The following PCCB variants were observed in gnomAD, a reference collection of about 807,000 sequenced individuals.
PCCB encodes propionyl-CoA carboxylase beta chain, mitochondrial.
Under a neutral mutation model 60.7 loss-of-function variants are expected in PCCB, and 43 were observed. That is an observed-to-expected ratio of 0.71 (90% CI 0.55 to 0.91). PCCB has a LOEUF of 0.91. PCCB is among the 40% of genes least tolerant of loss of function. The pLI is 0.00. For missense variants in PCCB, 766 were observed against 702.8 expected, an observed-to-expected ratio of 1.09 and a Z score of -1.02; for synonymous variants, 276 against 255.9, an observed-to-expected ratio of 1.08 and a Z score of -0.75.
At chr3:136,300,750 A>G (rs1042293406) in intron 8 of PCCB, among the ~76,000 whole-genome samples, 3 of 152,206 alleles carry the variant, frequency 2.0e-5, no homozygotes, top group Non-Finnish European at 4.4e-5. Flanking sequence ...TGTAGGAGGT[A>G]TTCAGAGAAG....
rs1269341860 is a variant in PCCB at position 136,298,017 on chromosome 3, T to C, written c.829T>C (p.Tyr277His). Residue 277 changes from tyrosine to histidine, a missense_variant, in exon 8 of 15, where the codon TAC becomes CAC. Transcript: ENST00000251654. Reference sequence around the variant, plus strand: ...GTGTAATCTCCGGGATTTCTTCAACTACCTGCCCCTGAGCAGTCAGGACCC... The same window carrying C: ...GTGTAATCTCCGGGATTTCTTCAACCACCTGCCCCTGAGCAGTCAGGACCC... ...ALCNLRDFFN[Y>H]LPLSSQDPAP... is the part of the protein sequence containing the mutation. The C allele has an allele frequency of 1.2e-6, 2 of 1,614,052 alleles. No homozygotes were observed. Among genetic ancestry groups the C allele is most frequent in the East Asian group, 2.2e-5 (1 of 44,892 alleles).
intron 5 of PCCB, among the ~76,000 whole-genome samples, chr3:136,270,802 G>C (rs965601688): frequency 6.6e-6 from 1 of 152,080 alleles, no homozygotes; most frequent in Non-Finnish European, 1.5e-5. Flanking sequence ...CCCTGCGCCC[G>C]GCTGTTTTTT....
At position 136,328,748 on chromosome 3, in the gene PCCB, C is replaced by A; in HGVS notation, c.1399-10C>A. ...CGACCAAAGATGTTCATGAACTCCTCTAATCACAGGGCGCTGTGGAGATCA... is the reference window on the plus strand; with the variant it reads ...CGACCAAAGATGTTCATGAACTCCTATAATCACAGGGCGCTGTGGAGATCA... On this transcript the variant is annotated splice_polypyrimidine_tract_variant and intron_variant, in intron 13 of 14. Transcript: ENST00000251654. The A allele has an allele frequency of 6.2e-7, 1 of 1,609,756 alleles. No homozygotes were observed. The highest frequency in any genetic ancestry group is 1.1e-5 in the South Asian group (1 of 90,986).
chr3:136,327,892 G>T (rs1280371610), intron 13 of PCCB, among the ~76,000 whole-genome samples, 160 bp downstream of exon 13: 1 of 152,138 alleles, frequency 6.6e-6, no homozygotes, highest in Non-Finnish European at 1.5e-5. Context: ...TCCCTCTTGG[G>T]GCTCCAGAGA....
chr3:136,286,276 C>T (rs1933400566), intron 6 of PCCB, among the ~76,000 whole-genome samples: 1 of 152,192 alleles, frequency 6.6e-6, no homozygotes, highest in African/African-American at 2.4e-5. Context: ...ATTTCTCACC[C>T]TTTGTCTTAC....
At chr3:136,297,845 C>T (rs1334125784) in intron 7 of PCCB, 107 bp from the exon 8 acceptor site, 3 of 1,223,342 alleles carry the variant, frequency 2.5e-6, no homozygotes, top group Admixed American at 3.4e-5. Flanking sequence ...GAGCTATCAG[C>T]ACGGTCTGCT....
chr3:136,327,570 G>T, intron 12 of PCCB, 64 bp from the exon 13 acceptor site: 1 of 1,254,922 alleles, frequency 8.0e-7, no homozygotes. Context: ...GGTTTCCTGG[G>T]GTCTTTCAGG....
rs972398230 is a variant in PCCB at position 136,326,377 on chromosome 3, A to G, written c.1091-426A>G. 5.7e-6 allele frequency: 4 copies of G among 702,768 alleles called. No individual in the cohort carries two copies. The Admixed American group carries it at 6.0e-5, about 11-fold the overall frequency. The allele number at this position is 702,768 out of a possible 1,614,324, so 43.5% of individuals were successfully genotyped here. A position where few individuals can be genotyped will look rare whatever the true frequency, so the allele number is the denominator to read the frequency against. On this transcript the variant is annotated intron_variant, in intron 10 of 14. Coordinates refer to ENST00000251654, the MANE Select transcript of PCCB (RefSeq NM_000532.5). ...TATGCTAGGAGGCAGTATCGTCCCTACTTTGCAGGTAAGGAACCTTAGGTC... is the reference window on the plus strand; with the variant it reads ...TATGCTAGGAGGCAGTATCGTCCCTGCTTTGCAGGTAAGGAACCTTAGGTC...
Position 136,250,401 on chromosome 3 carries a change from C to G in PCCB, c.26C>G (p.Ala9Gly). MAAALRVA[A>G]VGARLSVLAS... ...ATGGCGGCGGCATTACGGGTGGCGG[C>G]GGTCGGGGCAAGGCTCAGCGTTCTG... The change falls in exon 1 of 15, where the codon GCG (alanine) becomes GGG (glycine). Residue 9 changes from alanine (A) to glycine (G), a missense_variant. Ala to Gly is a moderately conservative substitution (Grantham distance 60, BLOSUM62 0). Transcript: ENST00000251654. The G allele has an allele frequency of 6.5e-7, 1 of 1,540,632 alleles. No homozygotes were observed. Among genetic ancestry groups the G allele is most frequent in the Non-Finnish European group, 8.8e-7 (1 of 1,140,632 alleles).
intron 5 of PCCB, among the ~76,000 whole-genome samples, chr3:136,263,619 G>C (rs1023268435): frequency 6.6e-6 from 1 of 152,030 alleles, no homozygotes; most frequent in African/African-American, 2.4e-5. Context: ...GATCTTCATT[G>C]CTTAATTAAT....
rs576289828 is a variant in PCCB, at chr3:136,271,398, A to G, written c.543+9333A>G. The stretch of plus-strand genomic sequence containing the variant: ...AGTTCTGTGAAAAATGATGATGGTA[A>G]TGGTAGTGTTTTGATGGGAATTGCA... On this transcript the variant is annotated intron_variant, in intron 5 of 14. Transcript: ENST00000251654. Among the ~76,000 whole-genome samples the G allele has an allele frequency of 8.0e-4, 121 of 152,188 alleles. 2 individuals carry two copies. The highest frequency in any genetic ancestry group is 4.4e-3 in the South Asian group (21 of 4,824).
At chr3:136,253,293 G>C (rs1438771034) in intron 1 of PCCB, among the ~76,000 whole-genome samples, 1 of 151,768 alleles carries the variant, frequency 6.6e-6, no homozygotes, top group East Asian at 1.9e-4. Context: ...GTTTCACCAT[G>C]TTAGCCAGGA....
At chr3:136,261,905 TATATCAAGA>T in intron 4 of PCCB, 38 bp from the exon 5 acceptor site, 1 of 1,310,158 alleles carries the variant, frequency 7.6e-7, no homozygotes, top group Non-Finnish European at 1.1e-6. Flanking sequence ...TGTCGTTTTT[TATATCAAGA>T]ACATTTGTCT....
intron 1 of PCCB, among the ~76,000 whole-genome samples, chr3:136,251,069 C>T (rs1004416651): frequency 2.0e-5 from 3 of 152,182 alleles, no homozygotes; most frequent in African/African-American, 4.8e-5. Context: ...TGTGGAACTT[C>T]TGCCCGCAGA....
intron 5 of PCCB, among the ~76,000 whole-genome samples, chr3:136,264,257 TTAAA>T (rs1941908027): frequency 6.6e-6 from 1 of 151,918 alleles, no homozygotes. Context: ...AGATATTCTC[TTAAA>T]TAACCAGAAT....
At chr3:136,292,794 A>G (rs1241654061) in intron 6 of PCCB, among the ~76,000 whole-genome samples, 2 of 152,214 alleles carry the variant, frequency 1.3e-5, no homozygotes, top group African/African-American at 2.4e-5. Flanking sequence ...ATAAATGCAC[A>G]TGGATGCATG....
intron 1 of PCCB, among the ~76,000 whole-genome samples, chr3:136,250,935 A>G (rs1377368143): frequency 2.6e-5 from 4 of 152,202 alleles, no homozygotes; most frequent in Non-Finnish European, 5.9e-5. Context: ...AGTAAAAACC[A>G]TGTGCTTATT....
chr3:136,288,963 T>C (rs780126713), intron 6 of PCCB, among the ~76,000 whole-genome samples: 4 of 152,074 alleles, frequency 2.6e-5, no homozygotes, highest in Non-Finnish European at 4.4e-5. Flanking sequence ...CCACCATGCC[T>C]GGCCAATTTT....
rs562068211 is a variant in PCCB at position 136,265,796 on chromosome 3, C to T, written c.543+3731C>T. 3.0e-4 allele frequency among the ~76,000 whole-genome samples: 45 copies of T among 151,080 alleles called. 1 individual carries two copies. Among genetic ancestry groups the T allele is most frequent in the Admixed American group, 2.9e-3 (44 of 15,148 alleles). On this transcript the variant is annotated intron_variant, in intron 5 of 14. Coordinates refer to ENST00000251654, the MANE Select transcript of PCCB (RefSeq NM_000532.5). ...GTTCAGGGTTGCAGGTTCTCCATAT[C>T]TTTGTTGATACTTGGTATTGTCAGT...
Sources: gnomAD v4.1 joint callset for allele counts (sites outside exome capture counted in the v4.1 genomes callset) on GRCh38, gnomAD v4.1.1 for gene constraint, MANE v1.5 for transcripts, NCBI Gene and HGNC (gene_info 2026-07-23, HGNC 2026-07-21) for gene names.